Variants in DIS3L2 observed in about 807,000 individuals in gnomAD.
DIS3L2 encodes DIS3-like exonuclease 2.
Under a neutral mutation model 97.5 loss-of-function variants are expected in DIS3L2, and 34 were observed. The ratio of observed to expected loss-of-function variants is 0.35; its 90% CI spans 0.27 to 0.46. The LOEUF (loss-of-function observed/expected upper bound fraction) is 0.46, where lower values mean the gene tolerates loss of function less well. Ranked by LOEUF, DIS3L2 falls within the 20% of genes least tolerant of loss-of-function variation. The pLI is 1.00. For synonymous variants in DIS3L2, 435 were observed against 445.2 expected (o/e 0.98, Z 0.29); for missense variants, 1,038 against 1,146.0 (o/e 0.91, Z 1.36).
chr2:232,087,932 G>A, intron 6 of DIS3L2: 1 of 526,998 alleles, frequency 1.9e-6, no homozygotes, highest in Non-Finnish European at 3.4e-6. Context: ...TGTGTGGGCA[G>A]TAGTTGCAGT....
At chr2:232,279,344 T>C (rs1395979251) in intron 13 of DIS3L2, among the ~76,000 whole-genome samples, 1 of 152,250 alleles carries the variant, frequency 6.6e-6, no homozygotes, top group Admixed American at 6.5e-5. Flanking sequence ...CATTGTGGTT[T>C]TAATTTGAAT....
intron 13 of DIS3L2, among the ~76,000 whole-genome samples, chr2:232,342,891 T>A (rs1431039462): frequency 6.6e-6 from 1 of 151,976 alleles, no homozygotes; most frequent in Non-Finnish European, 1.5e-5. Flanking sequence ...GGTCGATGGG[T>A]CTTTTCTGCA....
intron 5 of DIS3L2, among the ~76,000 whole-genome samples, chr2:232,038,449 C>T (rs939540992): frequency 6.6e-6 from 1 of 152,214 alleles, no homozygotes; most frequent in Middle Eastern, 3.4e-3. Flanking sequence ...GTACAGTAGG[C>T]ATGGAAAGCA....
chr2:232,206,766 A>G (rs1692037722), intron 9 of DIS3L2, among the ~76,000 whole-genome samples: 2 of 152,148 alleles, frequency 1.3e-5, no homozygotes, highest in African/African-American at 4.8e-5. Flanking sequence ...CAGATTTTTA[A>G]AAAGTGTTAA....
intron 14 of DIS3L2, among the ~76,000 whole-genome samples, chr2:232,314,263 C>G (rs1695211262): frequency 6.6e-6 from 1 of 152,178 alleles, no homozygotes; most frequent in Non-Finnish European, 1.5e-5. Context: ...AGGCTTTCCT[C>G]CTGGGCGGGC....
chr2:232,274,946 G>A (rs72998139), intron 13 of DIS3L2, among the ~76,000 whole-genome samples: 1,797 of 152,256 alleles, frequency 0.012, 17 homozygotes, highest in Non-Finnish European at 0.017. Context: ...TCTCAAACCA[G>A]CCTGTGAGAA....
intron 1 of DIS3L2, among the ~76,000 whole-genome samples, chr2:231,998,791 G>T (rs967286657): frequency 6.6e-6 from 1 of 152,056 alleles, no homozygotes; most frequent in Non-Finnish European, 1.5e-5. Flanking sequence ...TATCACTTGC[G>T]ATACTGCTGT....
intron 13 of DIS3L2, among the ~76,000 whole-genome samples, chr2:232,270,192 T>C (rs1183843189): frequency 6.6e-6 from 1 of 152,214 alleles, no homozygotes; most frequent in Non-Finnish European, 1.5e-5. Context: ...TCCCCTCTTC[T>C]TCCTTTAGGA....
chr2:232,027,196 T>C (rs1484522476), intron 4 of DIS3L2, among the ~76,000 whole-genome samples: 1 of 152,196 alleles, frequency 6.6e-6, no homozygotes, highest in Non-Finnish European at 1.5e-5. Flanking sequence ...TTTCTGAGTA[T>C]ACATATCTCA....
At chr2:232,166,408 T>G (rs1412758298) in intron 9 of DIS3L2, among the ~76,000 whole-genome samples, 1 of 152,182 alleles carries the variant, frequency 6.6e-6, no homozygotes, top group African/African-American at 2.4e-5. Context: ...CTGCTATTCA[T>G]GAAGTAACAA....
intron 9 of DIS3L2, among the ~76,000 whole-genome samples, chr2:232,207,818 T>G (rs188549454): frequency 6.6e-6 from 1 of 152,218 alleles, no homozygotes; most frequent in South Asian, 2.1e-4. Flanking sequence ...TAGCTAAATA[T>G]ATGTACAAAC....
At chr2:232,205,854 G>C (rs1455711592) in intron 9 of DIS3L2, among the ~76,000 whole-genome samples, 2 of 152,194 alleles carry the variant, frequency 1.3e-5, no homozygotes, top group Non-Finnish European at 2.9e-5. Flanking sequence ...TAAAATTTGT[G>C]TGTCTGTAAG....
chr2:232,192,783 GACT>G (rs1691650639), intron 9 of DIS3L2, among the ~76,000 whole-genome samples: 2 of 152,180 alleles, frequency 1.3e-5, no homozygotes, highest in Non-Finnish European at 2.9e-5. Context: ...CATTAATTAA[GACT>G]TTTTTGGTCC....
chr2:232,133,711 A>G (rs945047802), intron 7 of DIS3L2, among the ~76,000 whole-genome samples: 3 of 152,178 alleles, frequency 2.0e-5, no homozygotes, highest in Non-Finnish European at 4.4e-5. Flanking sequence ...AAGGCCGGGC[A>G]CAGTGGCTCA....
intron 10 of DIS3L2, among the ~76,000 whole-genome samples, chr2:232,215,216 ATAG>A (rs1692299013): frequency 6.6e-6 from 1 of 152,176 alleles, no homozygotes. Flanking sequence ...GCTGGCTATC[ATAG>A]TCACATCCCT....
At chr2:232,169,664 A>G (rs1045187120) in intron 9 of DIS3L2, among the ~76,000 whole-genome samples, 3 of 152,158 alleles carry the variant, frequency 2.0e-5, no homozygotes, top group African/African-American at 4.8e-5. Context: ...TGCAAGTCCT[A>G]TGGTTTGGTC....
rs191409145 is a variant in DIS3L2 at position 232,147,040 on chromosome 2, A to G, written c.950+10321A>G. Among the ~76,000 whole-genome samples, 388 of 152,332 alleles carry G rather than the reference A, an allele frequency of 2.5e-3. 6 individuals carry two copies. The highest frequency in any genetic ancestry group is 0.021 in the Admixed American group (322 of 15,308). On this transcript the variant is annotated intron_variant, in intron 8 of 20. Transcript: ENST00000325385. ...TGAAATACATAAAAAATTGAAAAAT[A>G]TGACATGGTTTAGTTTATCATTTAT...
chr2:232,044,380 A>G (rs1174676212), intron 5 of DIS3L2, among the ~76,000 whole-genome samples: 2 of 152,100 alleles, frequency 1.3e-5, no homozygotes, highest in African/African-American at 4.8e-5. Flanking sequence ...TGAATTTAAG[A>G]CTGTTTAATA....
chr2:232,091,700 T>G (rs1696841541), intron 6 of DIS3L2, among the ~76,000 whole-genome samples: 1 of 152,204 alleles, frequency 6.6e-6, no homozygotes, highest in Admixed American at 6.5e-5. Context: ...TGGTAGCTAT[T>G]TCTAGTTTTT....
Sources: allele counts gnomAD v4.1 joint callset (sites outside exome capture counted in the v4.1 genomes callset), GRCh38; gene constraint gnomAD v4.1.1; transcripts MANE v1.5; gene names NCBI Gene and HGNC (gene_info 2026-07-23, HGNC 2026-07-21).